The following ADAMTSL1 variants were observed in gnomAD, a reference collection of about 807,000 sequenced individuals.
The protein encoded by ADAMTSL1 is ADAMTS-like protein 1.
A neutral mutation model predicts 201.8 loss-of-function variants in ADAMTSL1; 126 were observed. The observed-to-expected ratio is 0.62, with a 90% CI of 0.54 to 0.72. ADAMTSL1 has a LOEUF of 0.72. Among genes scored for constraint, ADAMTSL1 ranks in the 30% least tolerant of loss-of-function variants. The probability of loss-of-function intolerance (pLI) is 0.00; values close to 1 mark genes in which losing one functional copy is unlikely to be tolerated. For synonymous variants in ADAMTSL1, 1,121 were observed against 903.4 expected, an observed-to-expected ratio of 1.24 and a Z score of -4.32; for missense variants, 2,679 against 2,277.8, an observed-to-expected ratio of 1.18 and a Z score of -3.59.
intron 26 of ADAMTSL1, among the ~76,000 whole-genome samples, chr9:18,894,781 T>TGGTGG (rs1032402736): frequency 6.6e-6 from 1 of 152,144 alleles, no homozygotes; most frequent in Non-Finnish European, 1.5e-5. Context: ...AGTATACAAG[T>TGGTGG]GGTGGCTAAG....
intron 26 of ADAMTSL1, among the ~76,000 whole-genome samples, chr9:18,902,599 GA>G (rs1830073402): frequency 6.6e-6 from 1 of 152,084 alleles, no homozygotes; most frequent in African/African-American, 2.4e-5. Context: ...GGAGCACAGA[GA>G]AAATAGTGCT....
At chr9:18,472,466 T>C, upstream of ADAMTSL1, among the ~76,000 whole-genome samples, 1 of 152,226 alleles carries the variant, frequency 6.6e-6, no homozygotes, top group East Asian at 1.9e-4. Context: ...ATACTTAATA[T>C]TGAGAACAAA....
At chr9:18,581,024 G>A (rs1398278738) in intron 4 of ADAMTSL1, among the ~76,000 whole-genome samples, 1 of 151,808 alleles carries the variant, frequency 6.6e-6, no homozygotes. Flanking sequence ...TAAAACAACA[G>A]AAATTTATTC....
chr9:18,647,530 A>G (rs538879831), intron 7 of ADAMTSL1, among the ~76,000 whole-genome samples: 10 of 152,088 alleles, frequency 6.6e-5, no homozygotes, highest in Non-Finnish European at 1.3e-4. Flanking sequence ...ATTTAGTGCT[A>G]TGAATTTCCC....
intron 22 of ADAMTSL1, among the ~76,000 whole-genome samples, chr9:18,828,996 G>A (rs1043821033): frequency 5.3e-5 from 8 of 151,906 alleles, no homozygotes; most frequent in Non-Finnish European, 1.2e-4. Flanking sequence ...AAAAAGGTGG[G>A]AGCTGGCCTT....
intron 1 of ADAMTSL1, among the ~76,000 whole-genome samples, chr9:18,008,385 G>A (rs1819915796): frequency 6.6e-6 from 1 of 151,878 alleles, no homozygotes. Flanking sequence ...CAATACTCTT[G>A]GCATAACAAA....
At chr9:18,628,063 A>T (rs1469308929) in intron 5 of ADAMTSL1, among the ~76,000 whole-genome samples, 1 of 152,172 alleles carries the variant, frequency 6.6e-6, no homozygotes, top group Non-Finnish European at 1.5e-5. Flanking sequence ...AAAATTGCTT[A>T]ATGTTATCTT....
At chr9:18,094,037 C>T (rs913342905) in intron 1 of ADAMTSL1, among the ~76,000 whole-genome samples, 2 of 152,126 alleles carry the variant, frequency 1.3e-5, no homozygotes, top group African/African-American at 4.8e-5. Context: ...TTGTCAGACA[C>T]TAGGACACTG....
At chr9:18,243,805 G>A (rs1245006117) in intron 2 of ADAMTSL1, among the ~76,000 whole-genome samples, 1 of 151,976 alleles carries the variant, frequency 6.6e-6, no homozygotes. Flanking sequence ...ATTATCCACT[G>A]CTGCTTCATA....
intron 2 of ADAMTSL1, among the ~76,000 whole-genome samples, chr9:18,344,579 A>G (rs1446419256): frequency 2.6e-5 from 4 of 152,168 alleles, no homozygotes; most frequent in Non-Finnish European, 5.9e-5. Flanking sequence ...GTAATGATAG[A>G]ATAAATTTTA....
chr9:17,941,666 G>A (rs1475249076), intron 1 of ADAMTSL1, among the ~76,000 whole-genome samples: 1 of 152,086 alleles, frequency 6.6e-6, no homozygotes, highest in East Asian at 1.9e-4. Flanking sequence ...TTAATAACCA[G>A]TGTAGTCATA....
intron 1 of ADAMTSL1, among the ~76,000 whole-genome samples, chr9:18,484,638 C>T (rs961198688): frequency 3.3e-5 from 5 of 152,156 alleles, no homozygotes; most frequent in East Asian, 3.9e-4. Flanking sequence ...GGCCAGTCAG[C>T]TGCATATAGA....
chr9:18,226,646 C>G (rs1280832375), intron 2 of ADAMTSL1, among the ~76,000 whole-genome samples: 3 of 152,090 alleles, frequency 2.0e-5, no homozygotes, highest in Non-Finnish European at 4.4e-5. Flanking sequence ...TTTACCTTAG[C>G]CTGGTGTTTG....
chr9:18,040,906 A>G (rs1351576789), intron 1 of ADAMTSL1, among the ~76,000 whole-genome samples: 1 of 152,198 alleles, frequency 6.6e-6, no homozygotes, highest in Non-Finnish European at 1.5e-5. Flanking sequence ...TAACAATCTG[A>G]AAAAAATTTT....
chr9:18,099,326 A>AATATATATATATATATAT (rs71333027), intron 1 of ADAMTSL1, among the ~76,000 whole-genome samples: 48 of 57,548 alleles, frequency 8.3e-4, no homozygotes, highest in South Asian at 1.7e-3. Context: ...GCAAATGGAA[A>AATATATATATATATATAT]ATATATATAT....
At chr9:18,403,142 C>T (rs1483395827) in intron 2 of ADAMTSL1, among the ~76,000 whole-genome samples, 1 of 151,734 alleles carries the variant, frequency 6.6e-6, no homozygotes, top group South Asian at 2.1e-4. Flanking sequence ...CACATTTTCT[C>T]ATTTTCTTGT....
chr9:18,460,450 T>C (rs1051112683), intron 2 of ADAMTSL1, among the ~76,000 whole-genome samples: 1 of 152,082 alleles, frequency 6.6e-6, no homozygotes, highest in African/African-American at 2.4e-5. Flanking sequence ...GTGGTAAAAG[T>C]AGATCCAGGT....
At chr9:18,037,292 C>CCTGTCAGTTTTCA (rs1821240827) in intron 1 of ADAMTSL1, among the ~76,000 whole-genome samples, 1 of 152,076 alleles carries the variant, frequency 6.6e-6, no homozygotes, top group Non-Finnish European at 1.5e-5. Context: ...GTTTCTAAGG[C>CCTGTCAGTTTTCA]CTGTCAGTTT....
chr9:18,399,282 T>TATATATATATATATATATATAC (rs1817872814), intron 2 of ADAMTSL1, among the ~76,000 whole-genome samples: 1 of 19,232 alleles, frequency 5.2e-5, no homozygotes, highest in Non-Finnish European at 9.6e-5. Context: ...CTGCTTTACA[T>TATATATATATATATATATATAC]ATATATATAT....
Sources: gnomAD v4.1 joint callset for allele counts (sites outside exome capture counted in the v4.1 genomes callset) on GRCh38, gnomAD v4.1.1 for gene constraint, MANE v1.5 for transcripts, NCBI Gene and HGNC (gene_info 2026-07-23, HGNC 2026-07-21) for gene names.